PHACTR3: variants seen among roughly 807,000 people sequenced by gnomAD.
The protein encoded by PHACTR3 is protein phosphatase 1, regulatory subunit 123.
A neutral mutation model predicts 66.8 loss-of-function variants in PHACTR3; 16 were observed. The ratio of observed to expected loss-of-function variants is 0.24; its 90% CI spans 0.16 to 0.36. PHACTR3 has a LOEUF of 0.36. Ranked by LOEUF, PHACTR3 falls within the 10% of genes least tolerant of loss-of-function variation. The probability of loss-of-function intolerance (pLI) is 1.00; values close to 1 mark genes in which losing one functional copy is unlikely to be tolerated. For missense variants in PHACTR3, 647 were observed against 719.9 expected, an observed-to-expected ratio of 0.90 and a Z score of 1.16; for synonymous variants, 323 against 292.1, an observed-to-expected ratio of 1.11 and a Z score of -1.08.
At chr20:59,741,217 C>T (rs2039149608) in intron 1 of PHACTR3, among the ~76,000 whole-genome samples, 1 of 152,236 alleles carries the variant, frequency 6.6e-6, no homozygotes, top group Non-Finnish European at 1.5e-5. Context: ...CAGCCCCTTC[C>T]ACAGGTAACA....
chr20:59,589,397 C>T (rs1004185081), intron 1 of PHACTR3, among the ~76,000 whole-genome samples: 14 of 152,308 alleles, frequency 9.2e-5, no homozygotes, highest in East Asian at 5.8e-4. Flanking sequence ...CAAACACGGA[C>T]GGCCGTTACT....
intron 1 of PHACTR3, among the ~76,000 whole-genome samples, chr20:59,580,401 C>A (rs968397316): frequency 2.6e-5 from 4 of 152,058 alleles, no homozygotes; most frequent in African/African-American, 4.8e-5. Context: ...GGCTACTTCC[C>A]GGAGCTTGCT....
chr20:59,788,530 G>T (rs572952104), intron 7 of PHACTR3, among the ~76,000 whole-genome samples: 1 of 151,918 alleles, frequency 6.6e-6, no homozygotes, highest in East Asian at 1.9e-4. Flanking sequence ...TCCCTGACCC[G>T]CCCCTAAAGG....
intron 1 of PHACTR3, among the ~76,000 whole-genome samples, chr20:59,718,904 G>A (rs2038191628): frequency 6.6e-6 from 1 of 152,226 alleles, no homozygotes; most frequent in Non-Finnish European, 1.5e-5. Context: ...GCATGGGCGT[G>A]TTGTCACCAG....
At chr20:59,817,541 C>T (rs77557577) in intron 8 of PHACTR3, among the ~76,000 whole-genome samples, 2,181 of 152,348 alleles carry the variant, frequency 0.014, 49 homozygotes, top group African/African-American at 0.049. Context: ...CCACAGGAGG[C>T]GGGTGGGGGA....
chr20:59,629,207 T>C (rs1263774192), intron 1 of PHACTR3, among the ~76,000 whole-genome samples: 1 of 152,216 alleles, frequency 6.6e-6, no homozygotes, highest in Non-Finnish European at 1.5e-5. Flanking sequence ...ACCTGCTTCC[T>C]TTTCTCTACG....
At chr20:59,754,367 AC>A (rs1217098377) in intron 3 of PHACTR3, among the ~76,000 whole-genome samples, 1 of 151,816 alleles carries the variant, frequency 6.6e-6, no homozygotes, top group Non-Finnish European at 1.5e-5. Context: ...AGACCTAGGG[AC>A]CCCCGGCTCT....
At chr20:59,828,336 T>C (rs1600728593) in intron 8 of PHACTR3, among the ~76,000 whole-genome samples, 2 of 152,200 alleles carry the variant, frequency 1.3e-5, no homozygotes, top group East Asian at 1.9e-4. Context: ...TCTGTCTGCA[T>C]TGGTGGCTGG....
chr20:59,737,324 GCTCT>G (rs2038980510), intron 1 of PHACTR3, among the ~76,000 whole-genome samples: 1 of 152,074 alleles, frequency 6.6e-6, no homozygotes, highest in Admixed American at 6.5e-5. Flanking sequence ...CTGGTTCAGG[GCTCT>G]CTATGTCCCC....
chr20:59,638,810 A>ATG (rs879898285), intron 1 of PHACTR3, among the ~76,000 whole-genome samples: 1 of 140,708 alleles, frequency 7.1e-6, no homozygotes, highest in Non-Finnish European at 1.5e-5. Context: ...GGATGGATGG[A>ATG]CGAATGGATG....
intron 1 of PHACTR3, among the ~76,000 whole-genome samples, chr20:59,629,544 C>T (rs1016232028): frequency 6.6e-6 from 1 of 152,212 alleles, no homozygotes; most frequent in Non-Finnish European, 1.5e-5. Context: ...GGACCCGTCC[C>T]AGGACTCTCT....
intron 11 of PHACTR3, among the ~76,000 whole-genome samples, chr20:59,842,507 GAAT>G (rs2059081648): frequency 1.3e-5 from 2 of 152,130 alleles, no homozygotes; most frequent in African/African-American, 2.4e-5. Context: ...TTGAGTATGA[GAAT>G]AATATACCCC....
rs968050326 is a variant in PHACTR3 at position 59,820,423 on chromosome 20, T to A, written c.1328+14229T>A. Among the ~76,000 whole-genome samples, 6 of 152,210 alleles carry A rather than the reference T, an allele frequency of 3.9e-5. No homozygotes were observed. Among genetic ancestry groups the A allele is most frequent in the African/African-American group, 1.4e-4 (6 of 41,444 alleles). On this transcript the variant is annotated intron_variant, in intron 8 of 12. Coordinates refer to ENST00000371015, the MANE Select transcript of PHACTR3 (RefSeq NM_080672.5). This position sits in a 1 kb window ranked among gnomAD's most constrained non-coding sequence, Gnocchi z 4.6. ...CATGTATGGATCTTGTACGTTCTGC[T>A]TTTAGATGGAGGTAGCTAAGCAACA...
intron 1 of PHACTR3, among the ~76,000 whole-genome samples, chr20:59,641,976 T>A (rs933939244): frequency 1.3e-5 from 2 of 152,236 alleles, no homozygotes; most frequent in Admixed American, 6.5e-5. Flanking sequence ...CTCTGTCACT[T>A]AGGAATCCTG....
intron 1 of PHACTR3, among the ~76,000 whole-genome samples, chr20:59,638,046 G>T (rs6100535): frequency 0.73 from 111,534 of 152,048 alleles, 41,020 homozygotes; most frequent in East Asian, 0.91. Flanking sequence ...CTGTTTTGCT[G>T]CTGGCCCCAA....
At chr20:59,731,644 C>T (rs963742380) in intron 1 of PHACTR3, among the ~76,000 whole-genome samples, 3 of 152,262 alleles carry the variant, frequency 2.0e-5, no homozygotes, top group Middle Eastern at 3.4e-3. Flanking sequence ...GTTAGATGTG[C>T]TGTTTTTTCC....
At position 59,820,267 on chromosome 20, in the gene PHACTR3, G is replaced by C. The variant is rs908572997; in HGVS notation, c.1328+14073G>C. On this transcript the variant is annotated intron_variant, in intron 8 of 12. Coordinates refer to ENST00000371015, the MANE Select transcript of PHACTR3 (RefSeq NM_080672.5). The surrounding 1 kb of genome is among the most constrained non-coding windows in gnomAD (Gnocchi z 4.6). The stretch of plus-strand genomic sequence containing the variant: ...GCAAAAATGCGAAGGAGCTCACGAG[G>C]CAGTGCTGTGAGCAGGCTCTGTGTG... Among the ~76,000 whole-genome samples, 5 of 152,214 alleles carry C rather than the reference G, an allele frequency of 3.3e-5. No individual in the cohort carries two copies. Among genetic ancestry groups the C allele is most frequent in the African/African-American group, 1.2e-4 (5 of 41,458 alleles).
intron 1 of PHACTR3, among the ~76,000 whole-genome samples, chr20:59,599,528 C>T (rs2033415611): frequency 6.6e-6 from 1 of 152,106 alleles, no homozygotes; most frequent in African/African-American, 2.4e-5. Flanking sequence ...CCACATCACC[C>T]CAAAGGCTGC....
chr20:59,806,858 ACT>A (rs1210760914), intron 8 of PHACTR3, among the ~76,000 whole-genome samples: 4 of 152,166 alleles, frequency 2.6e-5, no homozygotes, highest in Non-Finnish European at 5.9e-5. Flanking sequence ...ACAGCACATG[ACT>A]CTACCATATA....
Sources: gnomAD v4.1 joint callset for allele counts (sites outside exome capture counted in the v4.1 genomes callset) on GRCh38, gnomAD v4.1.1 for gene constraint, Gnocchi (gnomAD v3.1) non-coding constraint, MANE v1.5 for transcripts, NCBI Gene and HGNC (gene_info 2026-07-23, HGNC 2026-07-21) for gene names.